The following PRKAG1 variants were observed in gnomAD, a reference collection of about 807,000 sequenced individuals.
The protein encoded by PRKAG1 is protein kinase AMP-activated non-catalytic subunit gamma 1.
Under a neutral mutation model 48.2 loss-of-function variants are expected in PRKAG1, and 27 were observed. The observed-to-expected ratio is 0.56, with a 90% CI of 0.41 to 0.77. PRKAG1 has a LOEUF of 0.77. Ranked by LOEUF, PRKAG1 falls within the 30% of genes least tolerant of loss-of-function variation. PRKAG1 has a pLI of 0.00. For missense variants in PRKAG1, 287 were observed against 398.3 expected, an observed-to-expected ratio of 0.72 and a Z score of 2.38; for synonymous variants, 130 against 147.7, an observed-to-expected ratio of 0.88 and a Z score of 0.87.
chr12:49,004,812 ACT>A (rs1491261575), intron 7 of PRKAG1, 150 bp downstream of exon 7: 24 of 962,098 alleles, frequency 2.5e-5, no homozygotes, highest in East Asian at 1.7e-4. Context: ...AGAGAGAGAG[ACT>A]GTGTGTGTGT....
intron 10 of PRKAG1, 85 bp downstream of exon 10, chr12:49,003,473 A>G (rs1291144002): frequency 1.3e-6 from 2 of 1,570,188 alleles, no homozygotes; most frequent in East Asian, 4.5e-5. Flanking sequence ...TAGATCACAG[A>G]AGAGACTCCC....
At chr12:49,014,851 C>T (rs1040469587) in intron 1 of PRKAG1, among the ~76,000 whole-genome samples, 3 of 152,198 alleles carry the variant, frequency 2.0e-5, no homozygotes, top group African/African-American at 7.2e-5. Flanking sequence ...TATTTAGGAA[C>T]CCAGAAGGGA....
At chr12:49,003,516 C>CA (rs769394174) in intron 10 of PRKAG1, 42 bp downstream of exon 10, 17 of 1,600,780 alleles carry the variant, frequency 1.1e-5, no homozygotes, top group Middle Eastern at 1.7e-4. Context: ...GTGCCCCCCC[C>CA]CCACCACTTC....
intron 2 of PRKAG1, among the ~76,000 whole-genome samples, chr12:49,006,894 G>C (rs564556230): frequency 1.3e-5 from 2 of 149,392 alleles, no homozygotes; most frequent in East Asian, 4.0e-4. Flanking sequence ...GCTTGAACCC[G>C]GGAGGCAGAG....
At position 49,003,778 on chromosome 12, in the gene PRKAG1, G is replaced by T; in HGVS notation, c.682C>A (p.Leu228Met). 1 of 1,613,292 alleles carries T rather than the reference G, an allele frequency of 6.2e-7. No homozygotes were observed. Among genetic ancestry groups the T allele is most frequent in the Non-Finnish European group, 8.5e-7 (1 of 1,179,602 alleles). ...TCACCCTTCTCATCCACCACTGGCA[G>T]GGCTGAGACTCGATGCTGTACAAAA... ...GIFVQHRVSA[L>M]PVVDEKGRVV... Residue 228 changes from leucine (L) to methionine (M), a missense_variant, in exon 9 of 12, where the codon CTG (leucine) becomes ATG (methionine). Leu to Met is a conservative substitution (Grantham distance 15, BLOSUM62 2). This residue lies in a region of PRKAG1 where 224 missense variants were observed against 344.3 expected (regional missense o/e 0.65). Transcript: ENST00000548065.
chr12:49,012,458 A>G (rs1285517235), intron 2 of PRKAG1, among the ~76,000 whole-genome samples: 1 of 150,716 alleles, frequency 6.6e-6, no homozygotes, highest in Non-Finnish European at 1.5e-5. Context: ...GCTCACTGCA[A>G]TTTCTGCCTC....
chr12:49,016,290 C>T (rs184368275), intron 1 of PRKAG1, among the ~76,000 whole-genome samples: 1 of 152,150 alleles, frequency 6.6e-6, no homozygotes, highest in Admixed American at 6.5e-5. Flanking sequence ...CACTGTACCA[C>T]GCAAGTACAA....
chr12:49,003,972 T>C (rs200373448), intron 8 of PRKAG1, 50 bp from the exon 9 acceptor site: 1 of 1,549,216 alleles, frequency 6.5e-7, no homozygotes, highest in South Asian at 1.2e-5. Flanking sequence ...AAGCCACCCT[T>C]GGATACCCCC....
At chr12:49,010,629 C>A (rs1490939956) in intron 2 of PRKAG1, among the ~76,000 whole-genome samples, 1 of 152,174 alleles carries the variant, frequency 6.6e-6, no homozygotes, top group Non-Finnish European at 1.5e-5. Context: ...GTTTCTTAGA[C>A]CTTCAATGCT....
chr12:49,004,402 G>A (rs1941430190), intron 8 of PRKAG1, 105 bp downstream of exon 8: 9 of 1,457,696 alleles, frequency 6.2e-6, no homozygotes. Flanking sequence ...TCAGGAGTTT[G>A]ACACTAGCCT....
Position 49,002,962 on chromosome 12 carries a change from T to A in PRKAG1, c.933A>T (p.Gly311=). 6.2e-7 allele frequency: 1 copy of A among 1,614,158 alleles called. No homozygotes were observed. The highest frequency in any genetic ancestry group is 8.5e-7 in the Non-Finnish European group (1 of 1,180,030). The stretch of plus-strand genomic sequence containing the variant: ...GCAGGATGTCAGACAGTGATACAAT[T>A]CCCTTGACCACATCATTTTCATCCA... ...VVVDENDVVK[G]IVSLSDILQA... The change falls in exon 12 of 12, where the codon GGA becomes GGT. Residue 311 remains glycine (G), a synonymous_variant. Transcript: ENST00000548065.
At chr12:49,004,881 C>T (rs1407880436) in intron 7 of PRKAG1, 83 bp downstream of exon 7, 3 of 1,417,888 alleles carry the variant, frequency 2.1e-6, no homozygotes, top group Non-Finnish European at 3.0e-6. Flanking sequence ...TCTTCTTCCC[C>T]TTTCCCTGGG....
chr12:49,013,076 T>G lies in PRKAG1; in HGVS notation c.44A>C (p.Asn15Thr), dbSNP rs202007615. ...ISSDSSPAVE[N>T]EHPQETPESN... is the part of the protein sequence containing the mutation. The stretch of plus-strand genomic sequence containing the variant: ...AGTAAACTTACCTTGAGGATGCTCA[T>G]TTTCCACAGCTGGGGAGCTATCTGA... The change falls in exon 2 of 12, where the codon AAT becomes ACT. Residue 15 changes from asparagine to threonine, a missense_variant. Around this residue, in one of 2 missense-constraint regions of PRKAG1, gnomAD observed 63 missense variants for 54.0 expected, o/e 1.17. Coordinates refer to ENST00000548065, the MANE Select transcript of PRKAG1 (RefSeq NM_002733.5). The G allele has an allele frequency of 8.1e-6, 13 of 1,613,464 alleles. No homozygotes were observed. Among genetic ancestry groups the G allele is most frequent in the Non-Finnish European group, 1.1e-5 (13 of 1,179,508 alleles).
chr12:49,005,939 C>T lies in PRKAG1; in HGVS notation c.59-87G>A. On this transcript the variant is annotated intron_variant, in intron 2 of 11. Transcript: ENST00000548065. The surrounding 1 kb of genome is among the most constrained non-coding windows in gnomAD (Gnocchi z 4.1). ...AGAAAACAAAATAGTGTTCTAGTAT[C>T]TCAAATATTTAGAGCATTATTTTTT... is the stretch of plus-strand genomic sequence containing the variant. 1.0e-6 allele frequency: 1 copy of T among 958,708 alleles called. No individual in the cohort carries two copies. The highest frequency in any genetic ancestry group is 1.6e-6 in the Non-Finnish European group (1 of 633,532). The allele number at this position is 958,708 out of a possible 1,614,324, so 59.4% of individuals were successfully genotyped here.
At chr12:49,013,018 G>C (rs200246055) in intron 2 of PRKAG1, 44 bp downstream of exon 2, 22 of 1,541,704 alleles carry the variant, frequency 1.4e-5, no homozygotes, top group Non-Finnish European at 2.0e-5. Flanking sequence ...GTTAGGGTCA[G>C]GCTATTGTTT....
chr12:49,018,362 C>G (rs1942087916), intron 1 of PRKAG1: 1 of 916,910 alleles, frequency 1.1e-6, no homozygotes, highest in Non-Finnish European at 1.4e-6. Context: ...CTGGACGCCC[C>G]GTGCCTCACC....
chr12:49,016,927 T>C (rs1941998095), intron 1 of PRKAG1: 1 of 342,322 alleles, frequency 2.9e-6, no homozygotes, highest in Admixed American at 4.2e-5. Context: ...TCTCCCACTG[T>C]GACCAAAATC....
At chr12:49,008,246 T>G (rs1343937551) in intron 2 of PRKAG1, among the ~76,000 whole-genome samples, 1 of 152,192 alleles carries the variant, frequency 6.6e-6, no homozygotes, top group Non-Finnish European at 1.5e-5. Context: ...TTCACAACTT[T>G]GTTTTACCTG....
rs1941406794 is a variant in PRKAG1 at position 49,003,904 on chromosome 12, G to T, written c.556C>A (p.Pro186Thr). 1 of 1,605,478 alleles carries T rather than the reference G, an allele frequency of 6.2e-7. No individual in the cohort carries two copies. The highest frequency in any genetic ancestry group is 8.5e-7 in the Non-Finnish European group (1 of 1,175,532). Reference protein sequence around the residue: ...LKLFITEFPKPEFMSKSLEEL... With the variant: ...LKLFITEFPKTEFMSKSLEEL... The stretch of plus-strand genomic sequence containing the variant: ...TCCAGAGACTTGGACATGAACTCTG[G>T]CTTGGGGAACTCAGTGATCTGAGGA... The change falls in exon 9 of 12, where the codon CCA (proline) becomes ACA (threonine). Residue 186 changes from proline to threonine, a missense_variant. Physicochemically the swap from Pro to Thr is conservative, Grantham distance 38. Coordinates refer to ENST00000548065, the MANE Select transcript of PRKAG1 (RefSeq NM_002733.5).
Sources: gnomAD v4.1 joint callset for allele counts (sites outside exome capture counted in the v4.1 genomes callset) on GRCh38, gnomAD v4.1.1 for gene constraint, gnomAD v4.1.1 regional missense constraint, Gnocchi (gnomAD v3.1) non-coding constraint, MANE v1.5 for transcripts, NCBI Gene and HGNC (gene_info 2026-07-23, HGNC 2026-07-21) for gene names.